Variants in CCDC18 observed in about 807,000 individuals in gnomAD.
CCDC18 encodes the protein coiled-coil domain containing 18.
A neutral mutation model predicts 196.0 loss-of-function variants in CCDC18; 157 were observed. The observed-to-expected ratio is 0.80, with a 90% CI of 0.70 to 0.91. The LOEUF (loss-of-function observed/expected upper bound fraction) is 0.91, where lower values mean the gene tolerates loss of function less well. Among genes scored for constraint, CCDC18 ranks in the 40% least tolerant of loss-of-function variants. The probability of loss-of-function intolerance (pLI) is 0.00; values close to 1 mark genes in which losing one functional copy is unlikely to be tolerated. For synonymous variants in CCDC18, 482 were observed against 529.2 expected (o/e 0.91, Z 1.22); for missense variants, 1,465 against 1,611.6 (o/e 0.91, Z 1.56).
intron 21 of CCDC18, among the ~76,000 whole-genome samples, chr1:93,240,750 A>G (rs1479822433): frequency 1.3e-5 from 2 of 152,172 alleles, no homozygotes; most frequent in African/African-American, 4.8e-5. Flanking sequence ...CAGATTCAAT[A>G]TCCAACTAGT....
chr1:93,210,304 T>C (rs1039703084), intron 9 of CCDC18, among the ~76,000 whole-genome samples: 1 of 152,232 alleles, frequency 6.6e-6, no homozygotes, highest in Non-Finnish European at 1.5e-5. Context: ...TAGCACCTTA[T>C]TTGTAAAATT....
At chr1:93,191,385 C>T (rs551925425) in intron 4 of CCDC18, among the ~76,000 whole-genome samples, 83 of 152,258 alleles carry the variant, frequency 5.5e-4, no homozygotes, top group Non-Finnish European at 1.0e-3. Context: ...CTTGCAGATA[C>T]TTTGAACTGT....
At chr1:93,225,461 A>C (rs1028709475) in intron 16 of CCDC18, among the ~76,000 whole-genome samples, 29 of 152,186 alleles carry the variant, frequency 1.9e-4, no homozygotes, top group African/African-American at 6.5e-4. Context: ...TTATTTTCTT[A>C]GTAACTTCAG....
intron 26 of CCDC18, among the ~76,000 whole-genome samples, chr1:93,259,910 T>C (rs1043779689): frequency 3.3e-5 from 5 of 152,204 alleles, no homozygotes; most frequent in African/African-American, 1.2e-4. Flanking sequence ...TATCCAATTG[T>C]TTCTTTTAGT....
At chr1:93,207,707 T>G (rs11802822) in intron 9 of CCDC18, among the ~76,000 whole-genome samples, 13,588 of 152,162 alleles carry the variant, frequency 0.089, 1,998 homozygotes, top group African/African-American at 0.31. Flanking sequence ...TTAGTAAATT[T>G]ATAAGTTTTG....
chr1:93,217,858 C>G lies in CCDC18; in HGVS notation c.1951C>G (p.Gln651Glu), dbSNP rs1451225701. ...HLEQHKEMEK[Q>E]IERLEAQLEK... ...GGAACAGCATAAAGAAATGGAAAAG[C>G]AGATTGAAAGAGTAAGTAATACATA... is the stretch of plus-strand genomic sequence containing the variant. Residue 651 changes from glutamine to glutamate, a missense_variant, in exon 14 of 29, where the codon CAG (glutamine) becomes GAG (glutamate). Transcript: ENST00000690025. 6.2e-7 allele frequency: 1 copy of G among 1,609,504 alleles called. No homozygotes were observed. Among genetic ancestry groups the G allele is most frequent in the Non-Finnish European group, 8.5e-7 (1 of 1,177,448 alleles).
chr1:93,187,669 G>T (rs1412675050), intron 4 of CCDC18, among the ~76,000 whole-genome samples: 1 of 151,996 alleles, frequency 6.6e-6, no homozygotes, highest in Non-Finnish European at 1.5e-5. Flanking sequence ...TGCTATTAGG[G>T]ATTATTTCAG....
At chr1:93,180,655 G>A (rs1557585800), upstream of CCDC18, 11 of 1,318,302 alleles carry the variant, frequency 8.3e-6, no homozygotes. Flanking sequence ...CGCCTTCGGC[G>A]GCGCCTCACG....
At chr1:93,254,137 TCTA>T (rs926955459) in intron 23 of CCDC18, among the ~76,000 whole-genome samples, 2 of 152,170 alleles carry the variant, frequency 1.3e-5, no homozygotes, top group African/African-American at 4.8e-5. Context: ...GAATACAACT[TCTA>T]CTTTTATTTA....
intron 27 of CCDC18, among the ~76,000 whole-genome samples, chr1:93,266,542 G>A (rs534182105): frequency 9.9e-5 from 15 of 152,132 alleles, no homozygotes; most frequent in South Asian, 2.1e-4. Flanking sequence ...TTGATAGACC[G>A]CTAGCAAGAC....
chr1:93,266,193 A>G (rs1664477620), intron 27 of CCDC18, among the ~76,000 whole-genome samples: 1 of 152,222 alleles, frequency 6.6e-6, no homozygotes, highest in South Asian at 2.1e-4. Flanking sequence ...CTGAATGACT[A>G]CTGGGTACAT....
intron 28 of CCDC18, among the ~76,000 whole-genome samples, chr1:93,272,581 T>C (rs1420121580): frequency 2.6e-5 from 4 of 152,166 alleles, no homozygotes; most frequent in Non-Finnish European, 4.4e-5. Context: ...AAAGTGAAGG[T>C]TGATTATTGA....
At chr1:93,231,736 T>G (rs2100702771) in intron 17 of CCDC18, among the ~76,000 whole-genome samples, 2 of 152,300 alleles carry the variant, frequency 1.3e-5, no homozygotes, top group African/African-American at 4.8e-5. Flanking sequence ...TTAGTGAAAT[T>G]TCTTAGTTGT....
chr1:93,212,300 G>T, intron 11 of CCDC18, 39 bp downstream of exon 11: 2 of 1,275,696 alleles, frequency 1.6e-6, no homozygotes, highest in Non-Finnish European at 2.1e-6. Context: ...TATATTCAGA[G>T]TTTTGGATGA....
intron 19 of CCDC18, among the ~76,000 whole-genome samples, chr1:93,237,380 G>A (rs1035848858): frequency 6.6e-6 from 1 of 152,036 alleles, no homozygotes; most frequent in Non-Finnish European, 1.5e-5. Context: ...TAGATTTCCA[G>A]GTCAGCTCTC....
chr1:93,217,091 C>T (rs545123491), intron 13 of CCDC18, among the ~76,000 whole-genome samples: 31 of 151,244 alleles, frequency 2.0e-4, no homozygotes, highest in Admixed American at 1.2e-3. Context: ...CCCGCCACCA[C>T]GCCTGGCTAA....
At chr1:93,216,594 C>T (rs1403979854) in intron 12 of CCDC18, 42 bp from the exon 13 acceptor site, 19 of 1,031,658 alleles carry the variant, frequency 1.8e-5, no homozygotes, top group Non-Finnish European at 1.3e-5. Context: ...AAAATCATTA[C>T]CTTTAAAAAA....
chr1:93,269,007 G>C (rs1570653957), intron 27 of CCDC18, among the ~76,000 whole-genome samples: 1 of 151,920 alleles, frequency 6.6e-6, no homozygotes, highest in African/African-American at 2.4e-5. Flanking sequence ...TTCACAATAG[G>C]AAAGACTTGG....
intron 28 of CCDC18, among the ~76,000 whole-genome samples, chr1:93,274,778 G>T (rs911511499): frequency 6.6e-6 from 1 of 152,140 alleles, no homozygotes; most frequent in Admixed American, 6.6e-5. Context: ...AGCCCAGTTC[G>T]AGGCTGCAGT....
Sources: gnomAD v4.1 joint callset for allele counts (sites outside exome capture counted in the v4.1 genomes callset) on GRCh38, gnomAD v4.1.1 for gene constraint, MANE v1.5 for transcripts, NCBI Gene and HGNC (gene_info 2026-07-23, HGNC 2026-07-21) for gene names.